RPA2: variants seen among roughly 807,000 people sequenced by gnomAD.
The protein encoded by RPA2 is replication protein A2.
A neutral mutation model predicts 33.4 loss-of-function variants in RPA2; 22 were observed. The ratio of observed to expected loss-of-function variants is 0.66; its 90% confidence interval spans 0.47 to 0.94. RPA2 has a LOEUF of 0.94. RPA2 is among the 40% of genes least tolerant of loss of function. The pLI is 0.00. For synonymous variants in RPA2, 109 were observed against 114.9 expected (o/e 0.95, Z 0.33); for missense variants, 279 against 329.9 (o/e 0.85, Z 1.19).
intron 8 of RPA2, among the ~76,000 whole-genome samples, chr1:27,893,181 C>T (rs939203610): frequency 6.6e-6 from 1 of 152,128 alleles, no homozygotes; most frequent in Non-Finnish European, 1.5e-5. Flanking sequence ...ATTATATATC[C>T]CTCACATATA....
At chr1:27,904,337 A>G (rs912409371) in intron 4 of RPA2, among the ~76,000 whole-genome samples, 3 of 152,216 alleles carry the variant, frequency 2.0e-5, no homozygotes, top group Non-Finnish European at 4.4e-5. Flanking sequence ...AATGTGTCGT[A>G]ATAGTAGTTC....
At chr1:27,911,764 A>C (rs747473906) in intron 2 of RPA2, among the ~76,000 whole-genome samples, 1 of 152,178 alleles carries the variant, frequency 6.6e-6, no homozygotes, top group South Asian at 2.1e-4. Context: ...TAAACAATAA[A>C]TTCCTTACAG....
At chr1:27,905,714 G>C (rs558276028) in intron 4 of RPA2, among the ~76,000 whole-genome samples, 1 of 151,906 alleles carries the variant, frequency 6.6e-6, no homozygotes, top group South Asian at 2.1e-4. Flanking sequence ...TGCAAGCTCC[G>C]CCTCCCAGCT....
chr1:27,906,982 T>C lies in RPA2; in HGVS notation c.279A>G (p.Lys93=). The part of the protein sequence containing the change: ...AEKAPTNIVY[K]IDDMTAAPMD... Reference sequence around the variant, plus strand: ...TGGGTGCAGCTGTCATGTCATCTATTTTGTAAACAATGTTGGTTGGAGCCT... The same window carrying C: ...TGGGTGCAGCTGTCATGTCATCTATCTTGTAAACAATGTTGGTTGGAGCCT... Residue 93 remains lysine, a synonymous_variant, in exon 4 of 9, where the codon AAA becomes AAG. Coordinates refer to ENST00000373912, the MANE Select transcript of RPA2 (RefSeq NM_002946.5). The C allele has an allele frequency of 6.2e-7, 1 of 1,614,148 alleles. No homozygotes were observed. The highest frequency in any genetic ancestry group is 8.5e-7 in the Non-Finnish European group (1 of 1,180,026).
At chr1:27,904,934 G>C (rs904734614) in intron 4 of RPA2, among the ~76,000 whole-genome samples, 6 of 152,110 alleles carry the variant, frequency 3.9e-5, no homozygotes, top group African/African-American at 1.4e-4. Flanking sequence ...TTACGGGCGT[G>C]AGTCACCATG....
intron 6 of RPA2, among the ~76,000 whole-genome samples, chr1:27,895,030 C>T (rs2089872285): frequency 6.6e-6 from 1 of 152,178 alleles, no homozygotes; most frequent in Admixed American, 6.6e-5. Context: ...TGACCACACT[C>T]CTCTTGAAAT....
intron 4 of RPA2, among the ~76,000 whole-genome samples, chr1:27,904,812 C>T (rs1428315232): frequency 1.3e-5 from 2 of 152,008 alleles, no homozygotes; most frequent in East Asian, 1.9e-4. Context: ...TACAGGCACC[C>T]AGCTCATTTT....
chr1:27,905,671 CTTTTT>C (rs1304337812), intron 4 of RPA2, among the ~76,000 whole-genome samples: 3 of 151,442 alleles, frequency 2.0e-5, no homozygotes, highest in Non-Finnish European at 2.9e-5. Context: ...CACTGTTTGT[CTTTTT>C]TTGTTTTGAG....
At chr1:27,914,651 C>G, upstream of RPA2, 1 of 1,613,810 alleles carries the variant, frequency 6.2e-7, no homozygotes. Flanking sequence ...TTCCTGTCTC[C>G]TCTGCCCATG....
intron 6 of RPA2, among the ~76,000 whole-genome samples, chr1:27,895,341 G>A (rs966966710): frequency 6.6e-6 from 1 of 152,120 alleles, no homozygotes; most frequent in African/African-American, 2.4e-5. Context: ...AGAATTGCTT[G>A]AACCCGAGAG....
At chr1:27,897,596 CA>C in intron 5 of RPA2, 36 bp downstream of exon 5, 10 of 1,496,596 alleles carry the variant, frequency 6.7e-6, no homozygotes, top group South Asian at 2.6e-5. Context: ...CTGCTTCATG[CA>C]AAAACACTTT....
chr1:27,896,662 T>C (rs2089895366), intron 6 of RPA2, among the ~76,000 whole-genome samples: 1 of 152,184 alleles, frequency 6.6e-6, no homozygotes, highest in Non-Finnish European at 1.5e-5. Context: ...AGCAAAATGC[T>C]GTCCTGAAGG....
At chr1:27,903,864 T>TAAAAAAAA (rs34163774) in intron 4 of RPA2, among the ~76,000 whole-genome samples, 1 of 92,844 alleles carries the variant, frequency 1.1e-5, no homozygotes, top group Admixed American at 1.2e-4. Flanking sequence ...TGTCTCTATT[T>TAAAAAAAA]AAAAAAAAAA....
chr1:27,901,662 C>T (rs1218175641), intron 4 of RPA2, among the ~76,000 whole-genome samples: 1 of 151,942 alleles, frequency 6.6e-6, no homozygotes, highest in Non-Finnish European at 1.5e-5. Flanking sequence ...CGCCCAGCCA[C>T]CATAAAGTAT....
chr1:27,899,513 G>GAAAAAAAAAAAAAAAAAC (rs2089938037), intron 4 of RPA2, among the ~76,000 whole-genome samples: 1 of 107,556 alleles, frequency 9.3e-6, no homozygotes, highest in East Asian at 2.8e-4. Flanking sequence ...AAAAAAAAAA[G>GAAAAAAAAAAAAAAAAAC]AAAAAAAAAA....
At chr1:27,902,318 T>C (rs2089978089) in intron 4 of RPA2, among the ~76,000 whole-genome samples, 1 of 150,060 alleles carries the variant, frequency 6.7e-6, no homozygotes, top group African/African-American at 2.5e-5. Flanking sequence ...TCTTGCTCTG[T>C]TGCCCAGGCT....
intron 4 of RPA2, among the ~76,000 whole-genome samples, chr1:27,902,286 C>T (rs1215287976): frequency 2.2e-5 from 3 of 138,992 alleles, no homozygotes; most frequent in Non-Finnish European, 4.6e-5. Context: ...TTTACGTATA[C>T]TTTTTTTTTT....
In RPA2 at chr1:27,908,299, A is replaced by AT. The variant is rs112728619; in HGVS notation, c.118-1018dup. Among the ~76,000 whole-genome samples, 647 of 140,136 alleles carry AT rather than the reference A, an allele frequency of 4.6e-3. 6 individuals carry two copies. Among genetic ancestry groups the AT allele is most frequent in the African/African-American group, 0.014 (531 of 38,012 alleles). 91.9% of individuals were successfully genotyped at this position (140,136 alleles called of 152,430 possible). A position where few individuals can be genotyped will look rare whatever the true frequency, so the allele number is the denominator to read the frequency against. On this transcript the variant is annotated intron_variant, in intron 2 of 8. Coordinates refer to ENST00000373912, the MANE Select transcript of RPA2 (RefSeq NM_002946.5). ...ACCACATCCAGTCAATTAAAAAAACATTTTTTTTTTTGTAGAGATGGGGTT... is the reference window on the plus strand; with the variant it reads ...ACCACATCCAGTCAATTAAAAAAACATTTTTTTTTTTTGTAGAGATGGGGTT...
chr1:27,907,264 T>C lies in RPA2; in HGVS notation c.136A>G (p.Ile46Val). The change falls in exon 3 of 9, where the codon ATT (isoleucine) becomes GTT (valine). Residue 46 changes from isoleucine (I) to valine (V), a missense_variant. Coordinates refer to ENST00000373912, the MANE Select transcript of RPA2 (RefSeq NM_002946.5). ...EKKSRARAQH[I>V]VPCTISQLLS... ...AGCTGAGATATAGTACAGGGCACAATGTGCTGGGCTCGGGCTCTCTGAAAA... is the reference window on the plus strand; with the variant it reads ...AGCTGAGATATAGTACAGGGCACAACGTGCTGGGCTCGGGCTCTCTGAAAA... 6.2e-7 allele frequency: 1 copy of C among 1,609,974 alleles called. No homozygotes were observed. The highest frequency in any genetic ancestry group is 1.1e-5 in the South Asian group (1 of 90,422).
Sources: allele counts gnomAD v4.1 joint callset (sites outside exome capture counted in the v4.1 genomes callset), GRCh38; gene constraint gnomAD v4.1.1; transcripts MANE v1.5; gene names NCBI Gene and HGNC (gene_info 2026-07-23, HGNC 2026-07-21).